KAT6B: variants seen among roughly 807,000 people sequenced by gnomAD.
KAT6B encodes lysine acetyltransferase 6B.
In KAT6B, 10 loss-of-function variants were observed where a neutral mutation model predicts 187.5. The ratio of observed to expected loss-of-function variants is 0.05; its 90% confidence interval spans 0.03 to 0.09. KAT6B has a LOEUF of 0.09. KAT6B is among the 10% of genes least tolerant of loss of function. KAT6B has a pLI of 1.00. For synonymous variants in KAT6B, 861 were observed against 926.8 expected, an observed-to-expected ratio of 0.93 and a Z score of 1.29; for missense variants, 1,952 against 2,558.9, an observed-to-expected ratio of 0.76 and a Z score of 5.12.
intron 3 of KAT6B, among the ~76,000 whole-genome samples, chr10:74,865,099 A>G (rs1394733975): frequency 6.6e-6 from 1 of 152,106 alleles, no homozygotes; most frequent in Non-Finnish European, 1.5e-5. Flanking sequence ...AGGATTATAT[A>G]TTCTTCATAG....
intron 3 of KAT6B, among the ~76,000 whole-genome samples, chr10:74,934,374 C>A (rs1200049089): frequency 6.6e-6 from 1 of 152,082 alleles, no homozygotes; most frequent in Non-Finnish European, 1.5e-5. Flanking sequence ...AGACATTGAC[C>A]AGTCTTCATA....
At chr10:74,845,440 T>C (rs1292792505) in intron 3 of KAT6B, among the ~76,000 whole-genome samples, 3 of 144,058 alleles carry the variant, frequency 2.1e-5, no homozygotes, top group African/African-American at 7.8e-5. Context: ...GAGAATCCCT[T>C]AAACCCGGGA....
intron 3 of KAT6B, among the ~76,000 whole-genome samples, chr10:74,857,868 A>T (rs750421674): frequency 5.9e-5 from 9 of 152,154 alleles, no homozygotes; most frequent in Non-Finnish European, 1.0e-4. Context: ...AAAAATTTTT[A>T]AAAATTATCC....
intron 3 of KAT6B, among the ~76,000 whole-genome samples, chr10:74,934,700 C>T (rs183829747): frequency 3.3e-5 from 5 of 152,266 alleles, no homozygotes; most frequent in Non-Finnish European, 5.9e-5. Context: ...CAAGAGCTAT[C>T]GTTTTCTTAG....
At chr10:74,902,463 G>C (rs1846469003) in intron 3 of KAT6B, among the ~76,000 whole-genome samples, 1 of 151,934 alleles carries the variant, frequency 6.6e-6, no homozygotes, top group Non-Finnish European at 1.5e-5. Flanking sequence ...CTGGTTCTAA[G>C]AGTACCATAT....
chr10:74,830,769 T>TATATATATGTATATATA (rs58702000), intron 1 of KAT6B, among the ~76,000 whole-genome samples: 4 of 7,736 alleles, frequency 5.2e-4, no homozygotes, highest in African/African-American at 1.4e-3. Flanking sequence ...TATATATATA[T>TATATATATGTATATATA]TTTTTTTTTT....
intron 3 of KAT6B, among the ~76,000 whole-genome samples, chr10:74,918,364 A>G (rs771933189): frequency 6.6e-6 from 1 of 152,234 alleles, no homozygotes; most frequent in Non-Finnish European, 1.5e-5. Flanking sequence ...TCAACAAGTC[A>G]AATGTTAACT....
chr10:74,952,846 A>ATTT (rs34687036), intron 3 of KAT6B, among the ~76,000 whole-genome samples: 1 of 90,520 alleles, frequency 1.1e-5, no homozygotes, highest in African/African-American at 4.1e-5. Context: ...TGCCTGGCTA[A>ATTT]TTTTTTTTTT....
At chr10:74,964,757 T>G (rs1564592652) in intron 4 of KAT6B, among the ~76,000 whole-genome samples, 1 of 152,152 alleles carries the variant, frequency 6.6e-6, no homozygotes, top group African/African-American at 2.4e-5. Flanking sequence ...CCTGGAGGAT[T>G]TCCTATATTC....
chr10:74,832,570 T>G (rs1840937652), intron 1 of KAT6B, among the ~76,000 whole-genome samples: 1 of 152,048 alleles, frequency 6.6e-6, no homozygotes, highest in African/African-American at 2.4e-5. Context: ...GGCGTAATCT[T>G]GGCTCACTGC....
intron 1 of KAT6B, among the ~76,000 whole-genome samples, chr10:74,833,054 G>A (rs573177601): frequency 7.0e-6 from 1 of 143,686 alleles, no homozygotes; most frequent in South Asian, 2.3e-4. Context: ...AGAGTCGTTT[G>A]AACCCGGGAG....
rs71929101 is a variant in KAT6B at position 75,022,147 on chromosome 10, GGAA to G, written c.3310_3312del (p.Glu1104del). On this transcript the variant is annotated inframe_deletion, in exon 16 of 18. Coordinates refer to ENST00000287239, the MANE Select transcript of KAT6B (RefSeq NM_012330.4). ...AAGAGGATGAAGAGGAGGAAGAAGA[GGAA>G]GAAGAAGAAGAAGAAGAAGAAAATA... The G allele has an allele frequency of 0.18, 282,224 of 1,596,330 alleles. 43,575 individuals are homozygous for G. Among genetic ancestry groups the G allele is most frequent in the African/African-American group, 0.76 (55,575 of 73,432 alleles).
In KAT6B at chr10:75,030,074, T is replaced by A. The variant is rs1441645540; in HGVS notation, c.5250T>A (p.Ser1750=). ...CCCCTCCGACCTGCAGCGTCAAGTC[T>A]CCTCAAGGCTGTGTGGTGGAGAGGC... is the stretch of plus-strand genomic sequence containing the variant. ...ISSPPTCSVK[S]PQGCVVERPP... is the part of the protein sequence containing the mutation. Residue 1750 remains serine, a synonymous_variant, in exon 18 of 18, where the codon TCT becomes TCA. Coordinates refer to ENST00000287239, the MANE Select transcript of KAT6B (RefSeq NM_012330.4). The surrounding 1 kb of genome is among the most constrained non-coding windows in gnomAD (Gnocchi z 4.8). 3.1e-6 allele frequency: 5 copies of A among 1,614,046 alleles called. No individual in the cohort carries two copies. The African/African-American group carries it at 4.0e-5, about 13-fold the overall frequency.
intron 3 of KAT6B, among the ~76,000 whole-genome samples, chr10:74,869,705 T>C (rs1294453840): frequency 6.6e-6 from 1 of 152,242 alleles, no homozygotes. Flanking sequence ...TTTATTATAG[T>C]CTAATTATGT....
intron 3 of KAT6B, among the ~76,000 whole-genome samples, chr10:74,849,512 C>T (rs954259558): frequency 6.8e-6 from 1 of 146,290 alleles, no homozygotes; most frequent in Non-Finnish European, 1.5e-5. Context: ...AGGCTGGTCT[C>T]GAACTCGTGA....
At chr10:74,909,366 A>G (rs1444540784) in intron 3 of KAT6B, among the ~76,000 whole-genome samples, 2 of 152,138 alleles carry the variant, frequency 1.3e-5, no homozygotes, top group Non-Finnish European at 2.9e-5. Flanking sequence ...GCAAGACAAC[A>G]TCTCTAAATA....
chr10:74,871,885 CTCTCTCTAGACCTCAA>C (rs1013377064), intron 3 of KAT6B, among the ~76,000 whole-genome samples: 2 of 152,136 alleles, frequency 1.3e-5, no homozygotes, highest in Non-Finnish European at 2.9e-5. Flanking sequence ...GGTGTCCTAA[CTCTCTCTAGACCTCAA>C]TTTCCTCATA....
At chr10:74,931,464 AT>A (rs1848870085) in intron 3 of KAT6B, among the ~76,000 whole-genome samples, 1 of 152,114 alleles carries the variant, frequency 6.6e-6, no homozygotes, top group African/African-American at 2.4e-5. Context: ...TCTATTGATG[AT>A]TTTTGATCCA....
At chr10:74,862,807 G>A (rs1435185596) in intron 3 of KAT6B, among the ~76,000 whole-genome samples, 2 of 152,178 alleles carry the variant, frequency 1.3e-5, no homozygotes, top group African/African-American at 4.8e-5. Context: ...TACAGAGGTG[G>A]TGAGCTTGTC....
Sources: allele counts gnomAD v4.1 joint callset (sites outside exome capture counted in the v4.1 genomes callset), GRCh38; gene constraint gnomAD v4.1.1; non-coding constraint Gnocchi (gnomAD v3.1); transcripts MANE v1.5; gene names NCBI Gene and HGNC (gene_info 2026-07-23, HGNC 2026-07-21).